NPAS3: variants seen among roughly 807,000 people sequenced by gnomAD.
NPAS3 encodes the protein neuronal PAS domain protein 3.
In NPAS3, 14 loss-of-function variants were observed where a neutral mutation model predicts 73.1. That is an observed-to-expected ratio of 0.19 (90% confidence interval 0.13 to 0.30). The LOEUF is 0.30. NPAS3 is among the 10% of genes least tolerant of loss of function. The pLI is 1.00. For missense variants in NPAS3, 1,096 were observed against 1,250.0 expected (o/e 0.88, Z 1.86); for synonymous variants, 620 against 541.5 (o/e 1.14, Z -2.01).
At chr14:33,436,287 G>A (rs928276682) in intron 4 of NPAS3, among the ~76,000 whole-genome samples, 7 of 152,104 alleles carry the variant, frequency 4.6e-5, no homozygotes, top group Non-Finnish European at 1.0e-4. Context: ...ATTAAACATA[G>A]ACATGTGCTT....
At chr14:33,602,046 C>A (rs773367820) in intron 5 of NPAS3, among the ~76,000 whole-genome samples, 3 of 152,150 alleles carry the variant, frequency 2.0e-5, no homozygotes, top group Non-Finnish European at 4.4e-5. Context: ...CCTGACAGAG[C>A]CTGGAGGACC....
intron 3 of NPAS3, among the ~76,000 whole-genome samples, chr14:33,328,226 G>A (rs2043798454): frequency 1.3e-5 from 2 of 151,926 alleles, no homozygotes; most frequent in Admixed American, 6.6e-5. Context: ...AGGGATCCGA[G>A]CATGGTTCCT....
intron 2 of NPAS3, among the ~76,000 whole-genome samples, chr14:33,145,082 G>A (rs573433520): frequency 1.3e-5 from 2 of 152,220 alleles, no homozygotes; most frequent in South Asian, 4.1e-4. Flanking sequence ...TAAGTTACAG[G>A]GGAGATATTT....
chr14:32,951,235 G>C (rs2036471839), intron 1 of NPAS3, among the ~76,000 whole-genome samples: 1 of 151,998 alleles, frequency 6.6e-6, no homozygotes, highest in African/African-American at 2.4e-5. Flanking sequence ...AAAAATCTAT[G>C]ATTATGTGAT....
chr14:33,317,988 T>C (rs1477437426), intron 3 of NPAS3, among the ~76,000 whole-genome samples: 1 of 152,106 alleles, frequency 6.6e-6, no homozygotes, highest in African/African-American at 2.4e-5. Flanking sequence ...ACTCCACTTC[T>C]GGGAATGTAG....
intron 2 of NPAS3, among the ~76,000 whole-genome samples, chr14:33,115,274 T>C (rs981760154): frequency 5.9e-5 from 9 of 152,096 alleles, no homozygotes; most frequent in Non-Finnish European, 4.4e-5. Flanking sequence ...AGTGGAAGGA[T>C]TAGAAACTAG....
intron 4 of NPAS3, among the ~76,000 whole-genome samples, chr14:33,457,243 C>A (rs1334155081): frequency 6.6e-6 from 1 of 152,244 alleles, no homozygotes; most frequent in African/African-American, 2.4e-5. Context: ...CCAAGGATTA[C>A]AAGAGAAATG....
chr14:33,744,940 G>A (rs1181583946), intron 7 of NPAS3, among the ~76,000 whole-genome samples: 1 of 151,798 alleles, frequency 6.6e-6, no homozygotes, highest in Admixed American at 6.6e-5. Flanking sequence ...TCTTCAATTT[G>A]TATAAAGCAC....
chr14:32,976,956 A>C (rs1302019945), intron 1 of NPAS3, among the ~76,000 whole-genome samples: 2 of 152,034 alleles, frequency 1.3e-5, no homozygotes, highest in Admixed American at 1.3e-4. Flanking sequence ...TTTTCTAGAG[A>C]GTTTACTCAT....
chr14:33,014,400 A>C lies in NPAS3; in HGVS notation c.51-41505A>C, dbSNP rs57459660. 5.3e-4 allele frequency among the ~76,000 whole-genome samples: 80 copies of C among 152,318 alleles called. 1 individual carries two copies. The highest frequency in any genetic ancestry group is 1.8e-3 in the African/African-American group (75 of 41,584). On this transcript the variant is annotated intron_variant, in intron 1 of 11. Transcript: ENST00000356141. ...GCTAAAGTTGTAGAGATACATTTCTAATTAGTATCCTCAATATAAAATAAG... is the reference window on the plus strand; with the variant it reads ...GCTAAAGTTGTAGAGATACATTTCTCATTAGTATCCTCAATATAAAATAAG...
rs1257232612 is a variant in NPAS3, at chr14:33,678,392, A to G, written c.733+2007A>G. 2.7e-5 allele frequency among the ~76,000 whole-genome samples: 4 copies of G among 150,894 alleles called. No homozygotes were observed. The East Asian group carries it at 7.7e-4, about 29-fold the overall frequency. ...CTAGCTTCTCACACATGTGAAGTCA[A>G]TTACATCAGATCCTCCTTTCCTCCT... is the stretch of plus-strand genomic sequence containing the variant. On this transcript the variant is annotated intron_variant, in intron 6 of 11. Transcript: ENST00000356141.
At chr14:33,803,092 A>G (rs2063754066), downstream of NPAS3, 3 of 152,236 alleles carry the variant, frequency 2.0e-5, no homozygotes, top group African/African-American at 7.2e-5. Flanking sequence ...AATTGATGCC[A>G]TATAGCCTCA....
At chr14:33,427,352 C>A (rs905693855) in intron 4 of NPAS3, among the ~76,000 whole-genome samples, 2 of 151,884 alleles carry the variant, frequency 1.3e-5, no homozygotes, top group African/African-American at 4.8e-5. Flanking sequence ...AAGTACAAAC[C>A]AGTAGTAATC....
intron 2 of NPAS3, among the ~76,000 whole-genome samples, chr14:33,058,164 G>A (rs958198091): frequency 2.0e-5 from 3 of 152,030 alleles, no homozygotes; most frequent in Non-Finnish European, 4.4e-5. Flanking sequence ...AAAAACATGG[G>A]TAGTTTTTCC....
intron 2 of NPAS3, among the ~76,000 whole-genome samples, chr14:33,106,292 G>A (rs1566565942): frequency 6.6e-6 from 1 of 152,226 alleles, no homozygotes; most frequent in East Asian, 1.9e-4. Context: ...TCTAGTTTAT[G>A]GATTAACTCT....
chr14:33,430,199 G>A (rs2048725234), intron 4 of NPAS3, among the ~76,000 whole-genome samples: 1 of 152,140 alleles, frequency 6.6e-6, no homozygotes, highest in Non-Finnish European at 1.5e-5. Flanking sequence ...CAGTGGTATA[G>A]GACAAAGAGC....
At chr14:33,016,910 A>G (rs780938778) in intron 1 of NPAS3, among the ~76,000 whole-genome samples, 3 of 152,196 alleles carry the variant, frequency 2.0e-5, no homozygotes, top group Non-Finnish European at 4.4e-5. Context: ...ATGTTAAAAG[A>G]TGACTACAGA....
intron 3 of NPAS3, among the ~76,000 whole-genome samples, chr14:33,306,678 T>C (rs2042766907): frequency 6.6e-6 from 1 of 152,218 alleles, no homozygotes; most frequent in African/African-American, 2.4e-5. Context: ...CTAAAGTAGG[T>C]TATTTTCTTT....
At chr14:33,573,176 C>T (rs1469884164) in intron 5 of NPAS3, among the ~76,000 whole-genome samples, 3 of 152,120 alleles carry the variant, frequency 2.0e-5, no homozygotes, top group East Asian at 3.9e-4. Context: ...GCCAAGTAAT[C>T]AATAAAACAG....
Sources: allele counts gnomAD v4.1 joint callset (sites outside exome capture counted in the v4.1 genomes callset), GRCh38; gene constraint gnomAD v4.1.1; transcripts MANE v1.5; gene names NCBI Gene and HGNC (gene_info 2026-07-23, HGNC 2026-07-21).